IZUMO4: variants seen among roughly 807,000 people sequenced by gnomAD.
IZUMO4 encodes izumo sperm-egg fusion protein 4.
IZUMO4 carries 51 observed loss-of-function variants against 37.1 expected under a neutral mutation model. The observed-to-expected ratio is 1.38, with a 90% CI of 1.10 to 1.74. IZUMO4 has a LOEUF of 1.74. Among genes scored for constraint, IZUMO4 ranks in the 40% most tolerant of loss-of-function variants. The pLI, the probability that IZUMO4 is intolerant of heterozygous loss-of-function variation, is 0.00. For missense variants in IZUMO4, 364 were observed against 299.6 expected (o/e 1.21, Z -1.59); for synonymous variants, 162 against 121.4 (o/e 1.33, Z -2.20).
rs147322963 is a variant in IZUMO4 at position 2,097,949 on chromosome 19, C to T, written c.391C>T (p.Arg131Cys). 7.2e-4 allele frequency: 1,164 copies of T among 1,613,196 alleles called. 1 individual carries two copies. The highest frequency in any genetic ancestry group is 9.9e-4 in the Middle Eastern group (6 of 6,062). The change falls in exon 4 of 10, where the codon CGC becomes TGC. Residue 131 changes from arginine to cysteine, a missense_variant. By Grantham distance (180) the Arg-to-Cys change is radical. Transcript: ENST00000395301. ...IIESRIDCQH[R>C]CGIFQYETIS... ...CACAGGCCGCATCGACTGTCAGCAC[C>T]GCTGTGGTAAGCAAGGCTCCGTCCA...
At chr19:2,099,112 T>TTG (rs1568264855) in intron 9 of IZUMO4, 83 bp downstream of exon 9, 17 of 1,423,738 alleles carry the variant, frequency 1.2e-5, no homozygotes, top group South Asian at 1.1e-4. Context: ...CACACCCTGC[T>TTG]GACATCCCAG....
At chr19:2,097,845 C>T (rs1266185981) in intron 3 of IZUMO4, 84 bp from the exon 4 acceptor site, 3 of 1,541,284 alleles carry the variant, frequency 1.9e-6, no homozygotes, top group African/African-American at 1.4e-5. Context: ...AGGGACAGGC[C>T]CTGAGGCTTT....
chr19:2,097,387 C>T, intron 2 of IZUMO4, 37 bp from the exon 3 acceptor site: 5 of 1,610,224 alleles, frequency 3.1e-6, no homozygotes, highest in Non-Finnish European at 4.2e-6. Context: ...CCCCGCCCAC[C>T]GCCTGAGCCT....
chr19:2,098,600 G>A (rs908759304), intron 7 of IZUMO4, 150 bp downstream of exon 7: 30 of 1,586,010 alleles, frequency 1.9e-5, no homozygotes, highest in Non-Finnish European at 2.2e-5. Flanking sequence ...CTGCGCAGGA[G>A]GCGGCTGCAG....
At chr19:2,099,115 C>T in intron 9 of IZUMO4, 86 bp downstream of exon 9, 1 of 1,404,716 alleles carries the variant, frequency 7.1e-7, no homozygotes. Flanking sequence ...ACCCTGCTGA[C>T]ATCCCAGGCA....
At position 2,097,961 on chromosome 19, in the gene IZUMO4, C is replaced by A; in HGVS notation, c.397+6C>A. ...CGACTGTCAGCACCGCTGTGGTAAG[C>A]AAGGCTCCGTCCAGGCTGAGGGGCG... On this transcript the variant is annotated splice_donor_region_variant and intron_variant, in intron 4 of 9. Coordinates refer to ENST00000395301, the MANE Select transcript of IZUMO4 (RefSeq NM_001039846.2). The A allele has an allele frequency of 6.2e-7, 1 of 1,613,228 alleles. No individual in the cohort carries two copies. Among genetic ancestry groups the A allele is most frequent in the Non-Finnish European group, 8.5e-7 (1 of 1,179,980 alleles).
chr19:2,097,850 G>A (rs758897478), intron 3 of IZUMO4, 79 bp from the exon 4 acceptor site: 100 of 1,566,814 alleles, frequency 6.4e-5, no homozygotes, highest in Middle Eastern at 5.2e-4. Context: ...CAGGCCCTGA[G>A]GCTTTGGAGG....
chr19:2,098,735 G>C (rs373476005), intron 7 of IZUMO4, 52 bp from the exon 8 acceptor site: 3 of 1,601,618 alleles, frequency 1.9e-6, no homozygotes, highest in Admixed American at 3.5e-5. Context: ...GGTTCCCTAC[G>C]ATGGTTAGGG....
chr19:2,098,910 C>A, intron 8 of IZUMO4, 66 bp from the exon 9 acceptor site: 1 of 1,591,612 alleles, frequency 6.3e-7, no homozygotes, highest in Non-Finnish European at 8.6e-7. Flanking sequence ...GGGGCTCTCC[C>A]TATACCTGGG....
chr19:2,098,131 G>A lies in IZUMO4; in HGVS notation c.473+4G>A. The A allele has an allele frequency of 6.2e-7, 1 of 1,613,476 alleles. No individual in the cohort carries two copies. Among genetic ancestry groups the A allele is most frequent in the Non-Finnish European group, 8.5e-7 (1 of 1,179,960 alleles). On this transcript the variant is annotated splice_donor_region_variant and intron_variant, in intron 5 of 9. Coordinates refer to ENST00000395301, the MANE Select transcript of IZUMO4 (RefSeq NM_001039846.2). Reference sequence around the variant, plus strand: ...CCTGCTTTGGCTATAACTGCGAGTAGGGCTCAGGCATCACACCCACCCGTG... The same window carrying A: ...CCTGCTTTGGCTATAACTGCGAGTAAGGCTCAGGCATCACACCCACCCGTG...
rs1431236299 is a variant in IZUMO4, at chr19:2,098,302, G to T, written c.489G>T (p.Trp163Cys). 3 of 1,613,814 alleles carry T rather than the reference G, an allele frequency of 1.9e-6. No individual in the cohort carries two copies. The highest frequency in any genetic ancestry group is 2.5e-6 in the Non-Finnish European group (3 of 1,180,042). Reference protein sequence around the residue: ...FGYNCESSAQWKSAVQGLLNY... With the variant: ...FGYNCESSAQCKSAVQGLLNY... ...TGTCCCACAGGTCCTCGGCGCAGTGGAAGTCAGCTGTCCAGGGCCTCCTGA... is the reference window on the plus strand; with the variant it reads ...TGTCCCACAGGTCCTCGGCGCAGTGTAAGTCAGCTGTCCAGGGCCTCCTGA... Residue 163 changes from tryptophan to cysteine, a missense_variant, in exon 6 of 10, where the codon TGG (tryptophan) becomes TGT (cysteine). Physicochemically the swap from Trp to Cys is radical, Grantham distance 215. Coordinates refer to ENST00000395301, the MANE Select transcript of IZUMO4 (RefSeq NM_001039846.2).
In IZUMO4 at chr19:2,098,833, G is replaced by A. The variant is rs553632659; in HGVS notation, c.554+29G>A. 75 of 1,589,368 alleles carry A rather than the reference G, an allele frequency of 4.7e-5. No individual in the cohort carries two copies. The East Asian group carries it at 8.1e-4, about 17-fold the overall frequency. ...AGGCCGCCCTGACCTGGACTTCAGG[G>A]GGAGGGGGTAAAGGGAGAGAGGAGG... On this transcript the variant is annotated intron_variant, in intron 8 of 9. Transcript: ENST00000395301.
intron 3 of IZUMO4, 173 bp from the exon 4 acceptor site, chr19:2,097,756 G>A: frequency 1.3e-6 from 1 of 794,434 alleles, no homozygotes; most frequent in Middle Eastern, 2.3e-4. Flanking sequence ...CTCACGCTGG[G>A]GGTCAACCTG....
chr19:2,097,071 G>C lies in IZUMO4; in HGVS notation c.126G>C (p.Trp42Cys), dbSNP rs774454237. The stretch of plus-strand genomic sequence containing the variant: ...ACCATGTGAACTTCAAGTCCTGGTG[G>C]GTGGGCGACATCCCCGTGTCAGGGG... ...YRHHVNFKSW[W>C]VGDIPVSGAL... Residue 42 changes from tryptophan (W) to cysteine (C), a missense_variant, in exon 1 of 10, where the codon TGG becomes TGC. By Grantham distance (215) the Trp-to-Cys change is radical. Transcript: ENST00000395301. 6.2e-7 allele frequency: 1 copy of C among 1,612,838 alleles called. No individual in the cohort carries two copies. The highest frequency in any genetic ancestry group is 1.7e-5 in the Admixed American group (1 of 60,028).
intron 7 of IZUMO4, 58 bp from the exon 8 acceptor site, chr19:2,098,729 C>T (rs2017799525): frequency 1.2e-6 from 2 of 1,600,444 alleles, no homozygotes; most frequent in South Asian, 1.1e-5. Context: ...TGGGAGGGTT[C>T]CCTACGATGG....
chr19:2,098,563 C>T, intron 7 of IZUMO4, 113 bp downstream of exon 7: 2 of 1,605,534 alleles, frequency 1.2e-6, no homozygotes, highest in South Asian at 1.1e-5. Context: ...AGAGGGGCTC[C>T]CGAGGAGGTG....
At chr19:2,097,797 C>G (rs1568262469) in intron 3 of IZUMO4, 132 bp from the exon 4 acceptor site, 1 of 1,158,756 alleles carries the variant, frequency 8.6e-7, no homozygotes, top group East Asian at 2.4e-5. Flanking sequence ...CATGGACACA[C>G]ATACATGAAA....
chr19:2,098,884 T>C, intron 8 of IZUMO4, 80 bp downstream of exon 8: 3 of 1,553,072 alleles, frequency 1.9e-6, no homozygotes, highest in Non-Finnish European at 2.7e-6. Context: ...TCTAGATCAG[T>C]GGGGGCACTG....
chr19:2,098,636 A>T (rs1599422885), intron 7 of IZUMO4, 151 bp from the exon 8 acceptor site: 1 of 1,557,650 alleles, frequency 6.4e-7, no homozygotes, highest in East Asian at 2.3e-5. Context: ...AAGGTCTCCG[A>T]CCCTCAGCTG....
Sources: gnomAD v4.1 joint callset for allele counts on GRCh38, gnomAD v4.1.1 for gene constraint, MANE v1.5 for transcripts, NCBI Gene and HGNC (gene_info 2026-07-23, HGNC 2026-07-21) for gene names.